The following BPIFB2 variants were observed in gnomAD, a reference collection of about 807,000 sequenced individuals.
BPIFB2 encodes BPI fold containing family B member 2.
In BPIFB2, 39 loss-of-function variants were observed where a neutral mutation model predicts 50.1. That is an observed-to-expected ratio of 0.78 (90% CI 0.60 to 1.02). The LOEUF is 1.02. Among genes scored for constraint, BPIFB2 ranks in the 50% least tolerant of loss-of-function variants. The probability of loss-of-function intolerance (pLI) is 0.00; values close to 1 mark genes in which losing one functional copy is unlikely to be tolerated. For synonymous variants in BPIFB2, 280 were observed against 256.3 expected (o/e 1.09, Z -0.88); for missense variants, 574 against 585.8 (o/e 0.98, Z 0.21).
In BPIFB2 at chr20:33,012,819, G is replaced by A; in HGVS notation, c.220G>A (p.Val74Ile). Residue 74 changes from valine (V) to isoleucine (I), a missense_variant, in exon 4 of 16, where the codon GTC becomes ATC. Transcript: ENST00000170150. ...ACCCTGCAGGATCCGGATTCTGAAT[G>A]TCCATGTGCCCCGCCTCCACCTGAA... Reference protein sequence around the residue: ...LQPTRIRILNVHVPRLHLKFI... With the variant: ...LQPTRIRILNIHVPRLHLKFI... The A allele has an allele frequency of 6.2e-7, 1 of 1,613,794 alleles. No homozygotes were observed. The highest frequency in any genetic ancestry group is 8.5e-7 in the Non-Finnish European group (1 of 1,179,706).
At chr20:33,017,576 T>G (rs1179378927) in intron 7 of BPIFB2, among the ~76,000 whole-genome samples, 1 of 152,214 alleles carries the variant, frequency 6.6e-6, no homozygotes, top group Non-Finnish European at 1.5e-5. Flanking sequence ...CTCTGAGCCA[T>G]GCCTCCCTGA....
At chr20:33,020,957 T>C (rs997778772) in intron 13 of BPIFB2, among the ~76,000 whole-genome samples, 2 of 152,204 alleles carry the variant, frequency 1.3e-5, no homozygotes, top group Non-Finnish European at 2.9e-5. Flanking sequence ...CTGTCGGTCA[T>C]CTGCGTCAGG....
chr20:33,014,335 C>T (rs1189560152), intron 5 of BPIFB2, among the ~76,000 whole-genome samples: 1 of 152,238 alleles, frequency 6.6e-6, no homozygotes, highest in Non-Finnish European at 1.5e-5. Flanking sequence ...CCACCAATAG[C>T]CAGCTCTCGC....
At chr20:33,014,893 TC>T (rs1283815019) in intron 5 of BPIFB2, among the ~76,000 whole-genome samples, 3 of 151,666 alleles carry the variant, frequency 2.0e-5, no homozygotes, top group Non-Finnish European at 2.9e-5. Context: ...CCCTCCCACC[TC>T]CCCCCCAGGG....
chr20:33,014,794 C>T (rs544098788), intron 5 of BPIFB2, among the ~76,000 whole-genome samples: 5 of 152,340 alleles, frequency 3.3e-5, no homozygotes, highest in South Asian at 2.1e-4. Flanking sequence ...GTGTGACTCA[C>T]GACCCCTCAC....
intron 10 of BPIFB2, 102 bp from the exon 11 acceptor site, chr20:33,019,478 C>A: frequency 7.6e-7 from 1 of 1,313,412 alleles, no homozygotes; most frequent in Non-Finnish European, 1.0e-6. Context: ...TGCCCAGTCA[C>A]ATACAGCGCC....
intron 3 of BPIFB2, among the ~76,000 whole-genome samples, chr20:33,012,057 G>A (rs1210007470): frequency 1.3e-5 from 2 of 152,180 alleles, no homozygotes; most frequent in African/African-American, 4.8e-5. Flanking sequence ...ACAATGGGTG[G>A]ATGGTGAAAA....
intron 3 of BPIFB2, among the ~76,000 whole-genome samples, chr20:33,012,420 C>T (rs1423267557): frequency 6.6e-6 from 1 of 152,184 alleles, no homozygotes; most frequent in Non-Finnish European, 1.5e-5. Flanking sequence ...GCTTCTGTTG[C>T]TGTAGGCTAC....
chr20:33,012,354 GAAATA>G (rs1439320882), intron 3 of BPIFB2, among the ~76,000 whole-genome samples: 1 of 152,206 alleles, frequency 6.6e-6, no homozygotes, highest in Non-Finnish European at 1.5e-5. Flanking sequence ...TTTCATTTAG[GAAATA>G]AAATAAATCA....
intron 3 of BPIFB2, among the ~76,000 whole-genome samples, chr20:33,011,895 C>G (rs919959854): frequency 1.3e-5 from 2 of 152,174 alleles, no homozygotes; most frequent in African/African-American, 4.8e-5. Context: ...GGGAGAATCT[C>G]TTGAACCTGG....
Position 33,019,726 on chromosome 20 carries a change from C to A in BPIFB2, c.1056C>A (p.Phe352Leu). The change falls in exon 11 of 16, where the codon TTC becomes TTA. Residue 352 changes from phenylalanine to leucine, a missense_variant. Physicochemically the swap from Phe to Leu is conservative, Grantham distance 22 (BLOSUM62 0). Transcript: ENST00000170150. ...TGGCCACAGCCTCCAACTCGGCTTT[C>A]CAGTCCCTCTTCTCCCTGGATGTGG... ...EVLATASNSA[F>L]QSLFSLDVVV... The A allele has an allele frequency of 1.2e-6, 2 of 1,609,862 alleles. No homozygotes were observed. Among genetic ancestry groups the A allele is most frequent in the Non-Finnish European group, 1.7e-6 (2 of 1,177,838 alleles).
Position 33,019,801 on chromosome 20 carries a change from C to T in BPIFB2, c.1080+51C>T, listed in dbSNP as rs148770771. 7 of 1,515,346 alleles carry T rather than the reference C, an allele frequency of 4.6e-6. No homozygotes were observed. In the East Asian group the frequency reaches 1.2e-4, roughly 25 times the overall value. The allele number at this position is 1,515,346 out of a possible 1,614,324, so 93.9% of individuals were successfully genotyped here. On this transcript the variant is annotated intron_variant, in intron 11 of 15. Coordinates refer to ENST00000170150, the MANE Select transcript of BPIFB2 (RefSeq NM_025227.3). Reference sequence around the variant, plus strand: ...GGCAGGCAACTGTCACAGAGACCTCCCTCCCTGCTTCACTGTCCCCTCATC... The same window carrying T: ...GGCAGGCAACTGTCACAGAGACCTCTCTCCCTGCTTCACTGTCCCCTCATC...
intron 8 of BPIFB2, 135 bp from the exon 9 acceptor site, chr20:33,018,502 G>T: frequency 7.6e-7 from 1 of 1,311,068 alleles, no homozygotes; most frequent in Non-Finnish European, 1.1e-6. Context: ...AGGCGAAAGT[G>T]TGAACTACAC....
At position 33,018,696 on chromosome 20, in the gene BPIFB2, G is replaced by A. The variant is rs375953081; in HGVS notation, c.729G>A (p.Val243=). ...TGCCCACGGATGCCACCCCTTTTGT[G>A]TTGCCAAGGCATGTGGGTACCGAGG... ...IILPTDATPF[V]LPRHVGTEGS... Residue 243 remains valine, a synonymous_variant, in exon 9 of 16, where the codon GTG becomes GTA. Coordinates refer to ENST00000170150, the MANE Select transcript of BPIFB2 (RefSeq NM_025227.3). 1.9e-6 allele frequency: 3 copies of A among 1,614,080 alleles called. No homozygotes were observed. The highest frequency in any genetic ancestry group is 2.2e-5 in the South Asian group (2 of 91,092).
At chr20:33,022,213 A>G (rs1227781943) in intron 15 of BPIFB2, among the ~76,000 whole-genome samples, 1 of 152,192 alleles carries the variant, frequency 6.6e-6, no homozygotes, top group Non-Finnish European at 1.5e-5. Context: ...GGTGAGCTTC[A>G]GTCACAACAC....
rs1978555016 is a variant in BPIFB2 at position 33,019,116 on chromosome 20, G to T, written c.909+1G>T. The T allele has an allele frequency of 6.2e-7, 1 of 1,614,156 alleles. No individual in the cohort carries two copies. The highest frequency in any genetic ancestry group is 1.3e-5 in the African/African-American group (1 of 75,026). On this transcript the variant is annotated splice_donor_variant, in intron 10 of 15. Transcript: ENST00000170150. LOFTEE classifies it high-confidence loss of function. ...TGCTCTGGGCCGGCTCATCCCGGAG[G>T]TCGGTGATGTTTCTGATCATTCCAG...
intron 15 of BPIFB2, among the ~76,000 whole-genome samples, chr20:33,022,265 G>A (rs1978702273): frequency 6.6e-6 from 1 of 152,152 alleles, no homozygotes; most frequent in Non-Finnish European, 1.5e-5. Flanking sequence ...TCTGTACCTG[G>A]GATATAAAAG....
In BPIFB2 at chr20:33,016,994, C is replaced by A. The variant is rs756343552; in HGVS notation, c.517-48C>A. On this transcript the variant is annotated intron_variant, in intron 6 of 15. Transcript: ENST00000170150. ...CCCCTCTCAGCCTTGTGCCCTCCAG[C>A]CCCAGGGCTGCCCTAACCCCAGCCT... 4.7e-5 allele frequency: 74 copies of A among 1,567,638 alleles called. No homozygotes were observed. The Middle Eastern group carries it at 5.0e-4, about 11-fold the overall frequency.
intron 12 of BPIFB2, 54 bp from the exon 13 acceptor site, chr20:33,020,488 C>G: frequency 6.3e-7 from 1 of 1,596,532 alleles, no homozygotes; most frequent in Non-Finnish European, 8.6e-7. Flanking sequence ...GCCAGGGAGC[C>G]TGGGCGTAGG....
Sources: allele counts gnomAD v4.1 joint callset (sites outside exome capture counted in the v4.1 genomes callset), GRCh38; gene constraint gnomAD v4.1.1; transcripts MANE v1.5; gene names NCBI Gene and HGNC (gene_info 2026-07-23, HGNC 2026-07-21).